Variants in APC observed in about 807,000 individuals in gnomAD.
The protein encoded by APC is adenomatous polyposis coli protein.
Under a neutral mutation model 247.0 loss-of-function variants are expected in APC, and 72 were observed. The ratio of observed to expected loss-of-function variants is 0.29; its 90% confidence interval spans 0.24 to 0.35. The LOEUF (loss-of-function observed/expected upper bound fraction) is 0.35, where lower values mean the gene tolerates loss of function less well. Among genes scored for constraint, APC ranks in the 10% least tolerant of loss-of-function variants. The pLI is 1.00. For missense variants in APC, 3,400 were observed against 3,360.7 expected (o/e 1.01, Z -0.29); for synonymous variants, 1,254 against 1,162.5 (o/e 1.08, Z -1.60).
chr5:112,793,612 C>T lies in APC; in HGVS notation c.729+1083C>T, dbSNP rs1759886645. Among the ~76,000 whole-genome samples the T allele has an allele frequency of 6.6e-5, 10 of 152,206 alleles. No individual in the cohort carries two copies. In the South Asian group the frequency reaches 8.3e-4, roughly 13 times the overall value. On this transcript the variant is annotated intron_variant, in intron 7 of 15. Coordinates refer to ENST00000257430, the MANE Select transcript of APC (RefSeq NM_000038.6). ...TCATTTAACTTTTTCATAGATAGCC[C>T]GCTCTTAAATATGAGTGGACACTAA...
chr5:112,812,823 C>G (rs1762123752), intron 8 of APC, among the ~76,000 whole-genome samples: 1 of 152,198 alleles, frequency 6.6e-6, no homozygotes. Context: ...GGGGCTCAGG[C>G]AATATTTGTT....
chr5:112,837,464 T>C (rs1279223319), intron 15 of APC, 89 bp from the exon 16 acceptor site: 2 of 905,914 alleles, frequency 2.2e-6, no homozygotes, highest in East Asian at 5.1e-5. Flanking sequence ...GGTACAATCA[T>C]ATTATGCCTT....
At chr5:112,719,325 C>T (rs958009844) in intron 1 of APC, among the ~76,000 whole-genome samples, 5 of 151,940 alleles carry the variant, frequency 3.3e-5, no homozygotes, top group Non-Finnish European at 5.9e-5. Context: ...TCAAGCAATT[C>T]TCCTGCCTCA....
At chr5:112,810,149 AT>A (rs1561528034) in intron 8 of APC, 1 of 456,166 alleles carries the variant, frequency 2.2e-6, no homozygotes, top group South Asian at 1.5e-5. Flanking sequence ...GGATGTTTGA[AT>A]GCTGATGGGA....
chr5:112,767,201 A>G lies in APC; in HGVS notation c.233A>G (p.Asp78Gly), dbSNP rs562833260. 6.2e-7 allele frequency: 1 copy of G among 1,613,856 alleles called. No homozygotes were observed. The highest frequency in any genetic ancestry group is 8.5e-7 in the Non-Finnish European group (1 of 1,179,712). The change falls in exon 4 of 16, where the codon GAT becomes GGT. Residue 78 changes from aspartate to glycine, a missense_variant. Physicochemically the swap from Asp to Gly is moderately conservative, Grantham distance 94. Around this residue, in one of 9 missense-constraint regions of APC, gnomAD observed 372 missense variants for 367.6 expected, o/e 1.01. Transcript: ENST00000257430. ...LLERLKELNL[D>G]SSNFPGVKLR... is the part of the protein sequence containing the mutation. ...CTATTTTATTTAGAGCTTAACTTAGATAGCAGTAATTTCCCTGGAGTAAAA... is the reference window on the plus strand; with the variant it reads ...CTATTTTATTTAGAGCTTAACTTAGGTAGCAGTAATTTCCCTGGAGTAAAA...
intron 1 of APC, among the ~76,000 whole-genome samples, chr5:112,744,565 C>G (rs1015955873): frequency 2.3e-4 from 35 of 152,120 alleles, no homozygotes; most frequent in African/African-American, 7.7e-4. Context: ...CAGGAAGATT[C>G]ATTATTGGCT....
intron 1 of APC, among the ~76,000 whole-genome samples, chr5:112,723,329 G>A (rs1442681347): frequency 1.3e-5 from 2 of 152,078 alleles, no homozygotes; most frequent in East Asian, 1.9e-4. Flanking sequence ...GGGCATGGTG[G>A]TGCAGCCTTG....
intron 5 of APC, chr5:112,777,880 AT>A (rs1410393535): frequency 4.7e-6 from 1 of 214,784 alleles, no homozygotes; most frequent in African/African-American, 2.3e-5. Context: ...CTCTTCTTTG[AT>A]TTACTGTCAT....
chr5:112,823,935 T>G (rs1561548936), intron 11 of APC, among the ~76,000 whole-genome samples: 1 of 152,226 alleles, frequency 6.6e-6, no homozygotes, highest in African/African-American at 2.4e-5. Flanking sequence ...CTGATTCTTA[T>G]GTTCGGGAAA....
intron 7 of APC, among the ~76,000 whole-genome samples, chr5:112,795,576 A>G (rs768984878): frequency 6.6e-6 from 1 of 152,192 alleles, no homozygotes; most frequent in Non-Finnish European, 1.5e-5. Context: ...CCTCATTAGC[A>G]TAACACACAC....
intron 2 of APC, among the ~76,000 whole-genome samples, chr5:112,759,793 A>G (rs774753771): frequency 6.6e-5 from 10 of 152,366 alleles, no homozygotes; most frequent in Middle Eastern, 3.4e-3. Context: ...TCAAAATTAC[A>G]TATGTATTTA....
At position 112,845,280 on chromosome 5, in the gene APC, T is replaced by G. The variant is rs1766886806; in HGVS notation, c.*1154T>G. The G allele has an allele frequency of 4.3e-6, 1 of 232,678 alleles. No individual in the cohort carries two copies. Among genetic ancestry groups the G allele is most frequent in the East Asian group, 6.1e-5 (1 of 16,422 alleles). The allele number at this position is 232,678 out of a possible 1,614,324, so 14.4% of individuals were successfully genotyped here. A position where few individuals can be genotyped will look rare whatever the true frequency, so the allele number is the denominator to read the frequency against. On this transcript the variant is annotated 3_prime_UTR_variant, in exon 16 of 16. Transcript: ENST00000257430. ...CCACTGGAGCTCAGTAAAAGTAAAT[T>G]CATGTAATAGCAATGCAAGCAGCCT...
chr5:112,789,508 G>A (rs570050274), intron 6 of APC, among the ~76,000 whole-genome samples: 1 of 152,304 alleles, frequency 6.6e-6, no homozygotes, highest in African/African-American at 2.4e-5. Context: ...TATTTAGTGA[G>A]ATACTGGCAA....
At chr5:112,718,063 A>G (rs1306380844) in intron 1 of APC, among the ~76,000 whole-genome samples, 1 of 149,598 alleles carries the variant, frequency 6.7e-6, no homozygotes, top group Non-Finnish European at 1.5e-5. Flanking sequence ...AATTTAGGTT[A>G]TTTTTTAGTA....
Position 112,792,537 on chromosome 5 carries a change from A to G in APC, c.729+8A>G, listed in dbSNP as rs2149684961. 6.2e-7 allele frequency: 1 copy of G among 1,607,826 alleles called. No homozygotes were observed. ...CAAGCAACAGAAGCAGAGGTTAGTA[A>G]ATTGCCTTTCTTGTTTGTGGGTATA... On this transcript the variant is annotated splice_region_variant and intron_variant, in intron 7 of 15. Coordinates refer to ENST00000257430, the MANE Select transcript of APC (RefSeq NM_000038.6).
chr5:112,831,847 G>A (rs576974307), intron 14 of APC, among the ~76,000 whole-genome samples: 7 of 152,124 alleles, frequency 4.6e-5, no homozygotes, highest in Non-Finnish European at 7.4e-5. Context: ...CTCTTTTCCA[G>A]TAACAACCAA....
At chr5:112,775,125 G>T (rs78840267) in intron 4 of APC, among the ~76,000 whole-genome samples, 1 of 152,024 alleles carries the variant, frequency 6.6e-6, no homozygotes, top group Non-Finnish European at 1.5e-5. Context: ...GTTTTTCTCC[G>T]TCATAACTTC....
chr5:112,830,376 A>G (rs990869284), intron 14 of APC, among the ~76,000 whole-genome samples: 4 of 152,208 alleles, frequency 2.6e-5, no homozygotes, highest in Admixed American at 6.5e-5. Flanking sequence ...TATGCATATC[A>G]TATTGGTTAA....
intron 1 of APC, among the ~76,000 whole-genome samples, chr5:112,750,363 G>T (rs1169390208): frequency 6.6e-6 from 1 of 151,684 alleles, no homozygotes; most frequent in South Asian, 2.1e-4. Context: ...CTGTATTTTT[G>T]TATGTTCTTT....
Sources: allele counts gnomAD v4.1 joint callset (sites outside exome capture counted in the v4.1 genomes callset), GRCh38; gene constraint gnomAD v4.1.1; regional missense constraint gnomAD v4.1.1; transcripts MANE v1.5; gene names NCBI Gene and HGNC (gene_info 2026-07-23, HGNC 2026-07-21).